AMMECR1: variants seen among roughly 807,000 people sequenced by gnomAD.
The protein encoded by AMMECR1 is nuclear protein AMMECR1.
In AMMECR1, 3 loss-of-function variants were observed where a neutral mutation model predicts 22.5. The observed-to-expected ratio is 0.13, with a 90% CI of 0.06 to 0.35. The LOEUF is 0.35. Among genes scored for constraint, AMMECR1 ranks in the 10% least tolerant of loss-of-function variants. The pLI, the probability that AMMECR1 is intolerant of heterozygous loss-of-function variation, is 1.00. For synonymous variants in AMMECR1, 130 were observed against 116.7 expected, an observed-to-expected ratio of 1.11 and a Z score of -0.74; for missense variants, 235 against 278.7, an observed-to-expected ratio of 0.84 and a Z score of 1.12.
chrX:110,276,778 G>C (rs1174167396), intron 1 of AMMECR1, among the ~76,000 whole-genome samples: 1 of 111,742 alleles, frequency 8.9e-6, no homozygotes, highest in Admixed American at 9.5e-5. Flanking sequence ...TTCAGCCAGA[G>C]ATAAGGGGAA....
chrX:110,274,823 G>A (rs1365814305), intron 1 of AMMECR1, among the ~76,000 whole-genome samples: 2 of 111,516 alleles, frequency 1.8e-5, no homozygotes, highest in Non-Finnish European at 3.8e-5. Flanking sequence ...AAGATTAAAT[G>A]AGTATACTTT....
intron 1 of AMMECR1, among the ~76,000 whole-genome samples, chrX:110,429,458 GT>G (rs554736940): frequency 0.048 from 3,835 of 80,728 alleles, 201 homozygotes; most frequent in African/African-American, 0.15. Context: ...GAGAAAAAGT[GT>G]TTTTTTTTTT....
At chrX:110,317,519 G>A in intron 1 of AMMECR1, 80 bp downstream of exon 1, 15 of 1,085,797 alleles carry the variant, frequency 1.4e-5, no homozygotes, top group Non-Finnish European at 1.8e-5. Flanking sequence ...CGCCGGCCGG[G>A]AGGCGGACTC....
Position 110,352,281 on chromosome X carries a change from TG to T in AMMECR1, c.-147-34433del, listed in dbSNP as rs770915541. Among the ~76,000 whole-genome samples, 3 of 112,436 alleles carry T rather than the reference TG, an allele frequency of 2.7e-5. No individual in the cohort carries two copies. In the South Asian group the frequency reaches 1.1e-3, roughly 41 times the overall value. ...AAACTTGGATATGAATGTTCATGGC[TG>T]CATTATAGCCAAAATGTGGAAACAA... is the stretch of plus-strand genomic sequence containing the variant. On this transcript the variant is annotated intron_variant, in intron 2 of 7. Coordinates refer to the AMMECR1 transcript ENST00000372057.
chrX:110,321,520 T>G (rs1403781217), upstream of AMMECR1, among the ~76,000 whole-genome samples: 3 of 112,012 alleles, frequency 2.7e-5, no homozygotes, highest in Non-Finnish European at 5.6e-5. Context: ...AGGTTATGCA[T>G]ATTATTTATT....
At chrX:110,430,679 T>A (rs1236260448) in intron 1 of AMMECR1, among the ~76,000 whole-genome samples, 1 of 112,540 alleles carries the variant, frequency 8.9e-6, no homozygotes, top group African/African-American at 3.2e-5. Context: ...GTGTTGTCAG[T>A]TAACCCTTGT....
At chrX:110,386,651 C>CTAG (rs2068457329) in intron 2 of AMMECR1, among the ~76,000 whole-genome samples, 1 of 111,464 alleles carries the variant, frequency 9.0e-6, no homozygotes, top group South Asian at 3.7e-4. Flanking sequence ...TTTCTTGAAG[C>CTAG]TATTATTATT....
At chrX:110,410,180 G>A (rs1315745418) in intron 2 of AMMECR1, among the ~76,000 whole-genome samples, 1 of 111,437 alleles carries the variant, frequency 9.0e-6, no homozygotes, top group African/African-American at 3.3e-5. Flanking sequence ...GGCAGAGTTG[G>A]AAATGGAACT....
At chrX:110,425,849 G>A (rs1009022603) in intron 2 of AMMECR1, among the ~76,000 whole-genome samples, 5 of 112,609 alleles carry the variant, frequency 4.4e-5, no homozygotes, top group African/African-American at 6.5e-5. Context: ...AATGTCTGTC[G>A]AAGGAATAAA....
intron 2 of AMMECR1, among the ~76,000 whole-genome samples, chrX:110,387,772 T>C (rs989096718): frequency 9.9e-5 from 11 of 111,426 alleles, no homozygotes; most frequent in Non-Finnish European, 1.7e-4. Context: ...TGGATGCATA[T>C]TGTTTAGTAG....
At chrX:110,226,670 G>A (rs1602796566) in intron 2 of AMMECR1, among the ~76,000 whole-genome samples, 1 of 111,377 alleles carries the variant, frequency 9.0e-6, no homozygotes, top group African/African-American at 3.3e-5. Flanking sequence ...AATTAGGACC[G>A]CCTGCCTCTA....
intron 2 of AMMECR1, among the ~76,000 whole-genome samples, chrX:110,404,313 C>T (rs1315780115): frequency 2.7e-5 from 3 of 111,530 alleles, no homozygotes; most frequent in Non-Finnish European, 3.8e-5. Context: ...TCTTTCCTTC[C>T]GAAATTGTGG....
At chrX:110,383,902 ATAAGC>A (rs922878155) in intron 2 of AMMECR1, among the ~76,000 whole-genome samples, 2 of 112,063 alleles carry the variant, frequency 1.8e-5, no homozygotes, top group African/African-American at 3.2e-5. Context: ...TCTGCCACTT[ATAAGC>A]TATGTGATGT....
intron 2 of AMMECR1, chrX:110,419,103 T>G (rs986773813): frequency 1.8e-5 from 2 of 112,294 alleles, no homozygotes; most frequent in Non-Finnish European, 3.8e-5. Context: ...TTCTACAACA[T>G]ATGGAGCGCC....
At chrX:110,355,857 A>G (rs1443815592) in intron 2 of AMMECR1, among the ~76,000 whole-genome samples, 9 of 111,882 alleles carry the variant, frequency 8.0e-5, no homozygotes, top group African/African-American at 2.9e-4. Flanking sequence ...ATGAATGGAT[A>G]AAGAAAATGT....
chrX:110,260,547 TA>T (rs1481522233), intron 2 of AMMECR1, among the ~76,000 whole-genome samples: 3 of 111,207 alleles, frequency 2.7e-5, no homozygotes, highest in Admixed American at 1.9e-4. Flanking sequence ...TTATTAAAAT[TA>T]AAAGTTTATA....
At chrX:110,287,145 G>A (rs2067884553) in intron 1 of AMMECR1, among the ~76,000 whole-genome samples, 1 of 111,645 alleles carries the variant, frequency 9.0e-6, no homozygotes, top group Admixed American at 9.5e-5. Context: ...TCAAGAGTAG[G>A]GTGTCAAAAG....
intron 2 of AMMECR1, among the ~76,000 whole-genome samples, chrX:110,350,698 G>A (rs1264829677): frequency 9.0e-6 from 1 of 111,498 alleles, no homozygotes; most frequent in African/African-American, 3.3e-5. Context: ...TGGGCATGGG[G>A]GCTCATGCCT....
At chrX:110,316,835 T>C (rs1350244839) in intron 1 of AMMECR1, among the ~76,000 whole-genome samples, 2 of 109,133 alleles carry the variant, frequency 1.8e-5, no homozygotes, top group Non-Finnish European at 3.8e-5. Context: ...GCACGCTTAA[T>C]GTACAAACTG....
Sources: allele counts gnomAD v4.1 joint callset (sites outside exome capture counted in the v4.1 genomes callset), GRCh38; gene constraint gnomAD v4.1.1; transcripts MANE v1.5; gene names NCBI Gene and HGNC (gene_info 2026-07-23, HGNC 2026-07-21).